The following NUP58 variants were observed in gnomAD, a reference collection of about 807,000 sequenced individuals.
NUP58 encodes the protein nucleoporin 58.
NUP58 carries 17 observed loss-of-function variants against 70.1 expected under a neutral mutation model. That is an observed-to-expected ratio of 0.24 (90% CI 0.17 to 0.36). The LOEUF (loss-of-function observed/expected upper bound fraction) is 0.36, where lower values mean the gene tolerates loss of function less well. NUP58 is among the 10% of genes least tolerant of loss of function. The pLI, the probability that NUP58 is intolerant of heterozygous loss-of-function variation, is 1.00. For missense variants in NUP58, 644 were observed against 701.5 expected, an observed-to-expected ratio of 0.92 and a Z score of 0.93; for synonymous variants, 275 against 257.6, an observed-to-expected ratio of 1.07 and a Z score of -0.65.
intron 3 of NUP58, among the ~76,000 whole-genome samples, chr13:25,310,729 A>G (rs567023592): frequency 3.9e-5 from 6 of 152,066 alleles, no homozygotes; most frequent in Non-Finnish European, 8.8e-5. Context: ...AGGAACTTCT[A>G]GTTGTGATCA....
At chr13:25,304,757 T>C (rs1167617080) in intron 1 of NUP58, among the ~76,000 whole-genome samples, 3 of 151,918 alleles carry the variant, frequency 2.0e-5, no homozygotes, top group Non-Finnish European at 4.4e-5. Flanking sequence ...CTCAAACTCC[T>C]GACTTCAGGT....
chr13:25,306,714 T>G (rs918608532), intron 1 of NUP58, among the ~76,000 whole-genome samples: 1 of 152,252 alleles, frequency 6.6e-6, no homozygotes, highest in Non-Finnish European at 1.5e-5. Flanking sequence ...AGTGTCAACT[T>G]GTCAAAATTT....
At chr13:25,317,345 T>A (rs2030979611) in intron 6 of NUP58, among the ~76,000 whole-genome samples, 1 of 152,118 alleles carries the variant, frequency 6.6e-6, no homozygotes, top group Non-Finnish European at 1.5e-5. Context: ...TTTGATGAGA[T>A]TTGTATTTTA....
At chr13:25,328,462 C>G (rs1472002492) in intron 12 of NUP58, among the ~76,000 whole-genome samples, 2 of 138,164 alleles carry the variant, frequency 1.4e-5, no homozygotes, top group African/African-American at 5.4e-5. Flanking sequence ...GTGGCATGAT[C>G]TTGGTTCACT....
downstream of NUP58, among the ~76,000 whole-genome samples, chr13:25,344,451 C>G (rs927997824): frequency 3.3e-5 from 5 of 152,196 alleles, no homozygotes; most frequent in East Asian, 1.9e-4. Context: ...ACCAATACCC[C>G]ACTGCCTTAA....
Position 25,340,258 on chromosome 13 carries a change from C to T in NUP58, c.*124C>T. The T allele has an allele frequency of 1.0e-6, 1 of 963,240 alleles. No homozygotes were observed. 59.7% of individuals were successfully genotyped at this position (963,240 alleles called of 1,614,324 possible). On this transcript the variant is annotated 3_prime_UTR_variant, in exon 16 of 16. Transcript: ENST00000381736. ...TATAAAGTTTTGATATTTTTCCCTA[C>T]TCTGGAATTTGAACTTTCTTCATGT...
At chr13:25,316,005 G>A (rs2030913626) in intron 6 of NUP58, among the ~76,000 whole-genome samples, 1 of 152,106 alleles carries the variant, frequency 6.6e-6, no homozygotes, top group Non-Finnish European at 1.5e-5. Flanking sequence ...TAAAACCCTA[G>A]CAGAGCCAGA....
chr13:25,314,556 A>C (rs1460744889), intron 5 of NUP58, among the ~76,000 whole-genome samples: 1 of 152,128 alleles, frequency 6.6e-6, no homozygotes, highest in Non-Finnish European at 1.5e-5. Context: ...TTAGCTGGGC[A>C]TGGTGATGCA....
chr13:25,315,394 T>C lies in NUP58; in HGVS notation c.612T>C (p.Thr204=), dbSNP rs1037096228. The change falls in exon 6 of 16, where the codon ACT becomes ACC. Residue 204 remains threonine (T), a synonymous_variant. Coordinates refer to ENST00000381736, the MANE Select transcript of NUP58 (RefSeq NM_014089.4). ...GQNALGLTLG[T]TAATSTAGNE... is the part of the protein sequence containing the mutation. ...ATGCTTTAGGGTTGACTTTGGGAAC[T>C]ACAGCAGCTACTTCAACTGCAGGCA... 6.2e-7 allele frequency: 1 copy of C among 1,614,006 alleles called. No individual in the cohort carries two copies. The highest frequency in any genetic ancestry group is 1.3e-5 in the African/African-American group (1 of 75,052).
intron 10 of NUP58, among the ~76,000 whole-genome samples, chr13:25,326,127 T>C (rs1436882347): frequency 1.3e-5 from 2 of 152,216 alleles, no homozygotes; most frequent in African/African-American, 2.4e-5. Context: ...TTAACAGTTC[T>C]CAAAATCAGG....
rs941060492 is a variant in NUP58 at position 25,301,987 on chromosome 13, G to T, written c.107+107G>T. 9 of 746,856 alleles carry T rather than the reference G, an allele frequency of 1.2e-5. 1 individual carries two copies. In the East Asian group the frequency reaches 1.7e-4, roughly 14 times the overall value. The allele number at this position is 746,856 out of a possible 1,614,324, so 46.3% of individuals were successfully genotyped here. A position where few individuals can be genotyped will look rare whatever the true frequency, so the allele number is the denominator to read the frequency against. ...TCTCTTCCCTCTGGCTTCCTTCCCA[G>T]TGGGGCTGGAGAGAAGCACTTAATC... is the stretch of plus-strand genomic sequence containing the variant. On this transcript the variant is annotated intron_variant, in intron 1 of 15. Transcript: ENST00000381736.
chr13:25,330,715 A>G (rs763552248), intron 12 of NUP58, among the ~76,000 whole-genome samples: 1 of 152,168 alleles, frequency 6.6e-6, no homozygotes, highest in Non-Finnish European at 1.5e-5. Flanking sequence ...CTGGAGTTAC[A>G]AACACTTTTT....
intron 10 of NUP58, among the ~76,000 whole-genome samples, chr13:25,325,870 T>A (rs2031374335): frequency 6.6e-6 from 1 of 152,172 alleles, no homozygotes; most frequent in Non-Finnish European, 1.5e-5. Flanking sequence ...CCTTACTTAT[T>A]TTATTCTTTT....
rs561215985 is a variant in NUP58 at position 25,309,283 on chromosome 13, G to T, written c.286+1G>T. 8 of 1,605,220 alleles carry T rather than the reference G, an allele frequency of 5.0e-6. No homozygotes were observed. The Admixed American group carries it at 1.0e-4, about 20-fold the overall frequency. On this transcript the variant is annotated splice_donor_variant, in intron 3 of 15. Transcript: ENST00000381736. LOFTEE classifies it high-confidence loss of function. ...ACTATAACTACAGGATTAACTCTGG[G>T]TAAGAATTTTTGAGGAAAGATCCCA...
chr13:25,319,172 A>C (rs918234865), intron 6 of NUP58, among the ~76,000 whole-genome samples, 154 bp from the exon 7 acceptor site: 4 of 152,236 alleles, frequency 2.6e-5, no homozygotes, highest in Non-Finnish European at 5.9e-5. Context: ...TGAGTTCATG[A>C]TGAGTCATGA....
At chr13:25,314,977 C>A (rs1292622240) in intron 5 of NUP58, among the ~76,000 whole-genome samples, 2 of 151,820 alleles carry the variant, frequency 1.3e-5, no homozygotes, top group Non-Finnish European at 2.9e-5. Context: ...TATGTAGTTC[C>A]AAAGTGTGTT....
rs1269541611 is a variant in NUP58 at position 25,325,046 on chromosome 13, CATGAAT to C, written c.1013_1018del (p.Glu338_Tyr339del). Reference sequence around the variant, plus strand: ...CCAGAAGACACCACCTGGACTTCAACATGAATATGCAGCTCCTGCTGAGTAAGTTGC... The same window carrying C: ...CCAGAAGACACCACCTGGACTTCAACATGCAGCTCCTGCTGAGTAAGTTGC... On this transcript the variant is annotated inframe_deletion, in exon 10 of 16. Coordinates refer to ENST00000381736, the MANE Select transcript of NUP58 (RefSeq NM_014089.4). The C allele has an allele frequency of 1.2e-6, 2 of 1,608,446 alleles. No homozygotes were observed. The highest frequency in any genetic ancestry group is 2.7e-5 in the African/African-American group (2 of 74,274).
intron 5 of NUP58, among the ~76,000 whole-genome samples, chr13:25,314,453 T>C (rs1313125798): frequency 1.3e-5 from 2 of 151,652 alleles, no homozygotes; most frequent in African/African-American, 4.8e-5. Context: ...CCCAGCACTT[T>C]GGGAGGCCAA....
chr13:25,328,256 ATC>A (rs1269282454), intron 12 of NUP58, among the ~76,000 whole-genome samples: 1 of 152,106 alleles, frequency 6.6e-6, no homozygotes, highest in African/African-American at 2.4e-5. Context: ...CCTTAATTTT[ATC>A]TGTTTTAAGT....
Sources: gnomAD v4.1 joint callset for allele counts (sites outside exome capture counted in the v4.1 genomes callset) on GRCh38, gnomAD v4.1.1 for gene constraint, MANE v1.5 for transcripts, NCBI Gene and HGNC (gene_info 2026-07-23, HGNC 2026-07-21) for gene names.